Variants in DCC observed in about 807,000 individuals in gnomAD.
The protein encoded by DCC is netrin receptor DCC.
Under a neutral mutation model 172.5 loss-of-function variants are expected in DCC, and 58 were observed. The ratio of observed to expected loss-of-function variants is 0.34; its 90% CI spans 0.27 to 0.42. DCC has a LOEUF of 0.42. Ranked by LOEUF, DCC falls within the 10% of genes least tolerant of loss-of-function variation. The pLI, the probability that DCC is intolerant of heterozygous loss-of-function variation, is 1.00. For missense variants in DCC, 1,740 were observed against 1,791.0 expected (o/e 0.97, Z 0.51); for synonymous variants, 709 against 644.5 (o/e 1.10, Z -1.52).
chr18:52,527,708 GC>G (rs1437273813), intron 1 of DCC, among the ~76,000 whole-genome samples: 2 of 152,172 alleles, frequency 1.3e-5, no homozygotes, highest in Non-Finnish European at 2.9e-5. Context: ...TAAACACACA[GC>G]TGTTCTATTT....
chr18:52,600,242 C>T (rs2033989837), intron 1 of DCC, among the ~76,000 whole-genome samples: 1 of 152,202 alleles, frequency 6.6e-6, no homozygotes, highest in African/African-American at 2.4e-5. Flanking sequence ...CTAGCGTCCC[C>T]AGCTCTATTT....
At chr18:53,181,585 A>AT (rs1190642872) in intron 9 of DCC, among the ~76,000 whole-genome samples, 7 of 152,114 alleles carry the variant, frequency 4.6e-5, no homozygotes, top group South Asian at 2.1e-4. Context: ...AAGAATAATG[A>AT]TTTTTTTGTA....
At chr18:52,831,629 C>T (rs2038615495) in intron 2 of DCC, among the ~76,000 whole-genome samples, 1 of 145,732 alleles carries the variant, frequency 6.9e-6, no homozygotes. Context: ...GATTTTGGGG[C>T]CTGAGAAACT....
At chr18:52,754,350 T>TA (rs2145136596) in intron 2 of DCC, 1 of 152,336 alleles carries the variant, frequency 6.6e-6, no homozygotes, top group East Asian at 1.9e-4. Flanking sequence ...TTTTTCTCCC[T>TA]AAAATGTGTA....
At position 53,475,028 on chromosome 18, in the gene DCC, C is replaced by A. The variant is rs572560140; in HGVS notation, c.3736+7018C>A. ...AAAGGTGACTTTGGTTATGTTTTAG[C>A]AAAGAGACTGGGGGCATTTTGCCCC... On this transcript the variant is annotated intron_variant, in intron 25 of 28. Transcript: ENST00000442544. 4.1e-4 allele frequency among the ~76,000 whole-genome samples: 62 copies of A among 150,836 alleles called. No individual in the cohort carries two copies. In the Middle Eastern group the frequency reaches 0.01, roughly 25 times the overall value.
intron 12 of DCC, among the ~76,000 whole-genome samples, chr18:53,236,418 A>G (rs1313170171): frequency 6.6e-6 from 1 of 152,130 alleles, no homozygotes; most frequent in Non-Finnish European, 1.5e-5. Flanking sequence ...TAAATTATCA[A>G]TGTGTAGAAA....
At chr18:52,912,862 C>A (rs1241004908) in intron 3 of DCC, among the ~76,000 whole-genome samples, 1 of 152,024 alleles carries the variant, frequency 6.6e-6, no homozygotes, top group African/African-American at 2.4e-5. Context: ...TTCAACAATT[C>A]AGGTTAGCAA....
chr18:53,101,833 G>GTGTGTA (rs796349998), intron 7 of DCC, among the ~76,000 whole-genome samples: 3 of 68,340 alleles, frequency 4.4e-5, no homozygotes, highest in East Asian at 9.2e-4. Flanking sequence ...GTGTATTTGT[G>GTGTGTA]TGTGTGTGCG....
chr18:53,201,985 A>G (rs1253812432), intron 9 of DCC, among the ~76,000 whole-genome samples: 1 of 152,190 alleles, frequency 6.6e-6, no homozygotes, highest in Non-Finnish European at 1.5e-5. Context: ...GTCATGAAAC[A>G]TATGTACTGT....
At chr18:53,037,625 T>C (rs1287993001) in intron 5 of DCC, among the ~76,000 whole-genome samples, 1 of 151,974 alleles carries the variant, frequency 6.6e-6, no homozygotes, top group East Asian at 1.9e-4. Flanking sequence ...TATACCATAC[T>C]GATATAGAAA....
At chr18:52,986,207 G>A (rs552244372) in intron 5 of DCC, among the ~76,000 whole-genome samples, 3 of 152,232 alleles carry the variant, frequency 2.0e-5, no homozygotes, top group African/African-American at 7.2e-5. Context: ...GCAGTATGTT[G>A]GAAGCTTACA....
intron 1 of DCC, among the ~76,000 whole-genome samples, chr18:52,439,391 A>G (rs1987903859): frequency 6.6e-6 from 1 of 151,972 alleles, no homozygotes; most frequent in East Asian, 1.9e-4. Context: ...CTGACTCCCT[A>G]ATTTCTTATG....
intron 9 of DCC, among the ~76,000 whole-genome samples, chr18:53,188,311 C>T (rs2055315927): frequency 6.6e-6 from 1 of 152,060 alleles, no homozygotes; most frequent in African/African-American, 2.4e-5. Flanking sequence ...AATGGGCTTA[C>T]AATAATGGCA....
chr18:53,286,102 G>A (rs1023403727), intron 12 of DCC, among the ~76,000 whole-genome samples: 8 of 152,164 alleles, frequency 5.3e-5, no homozygotes, highest in East Asian at 1.9e-4. Context: ...GTGGACTTTT[G>A]AGTTAATGCT....
intron 1 of DCC, among the ~76,000 whole-genome samples, chr18:52,475,720 G>A (rs1989073878): frequency 6.6e-6 from 1 of 152,160 alleles, no homozygotes; most frequent in South Asian, 2.1e-4. Context: ...GAAGGAGAGA[G>A]TGACCAATAT....
chr18:53,267,153 G>T lies in DCC; in HGVS notation c.1912-38425G>T, dbSNP rs577522299. Among the ~76,000 whole-genome samples, 1,166 of 150,070 alleles carry T rather than the reference G, an allele frequency of 7.8e-3. 4 individuals are homozygous for T. Among genetic ancestry groups the T allele is most frequent in the Middle Eastern group, 0.024 (7 of 292 alleles). ...ACACACATATATATATATATATAGA[G>T]AGAGAGAGAGAGACAGAGACAGAGA... On this transcript the variant is annotated intron_variant, in intron 12 of 28. Transcript: ENST00000442544.
chr18:53,477,101 C>G (rs556273552), intron 25 of DCC, among the ~76,000 whole-genome samples: 1 of 152,172 alleles, frequency 6.6e-6, no homozygotes, highest in Non-Finnish European at 1.5e-5. Flanking sequence ...CTCCACCTCA[C>G]GGGCTCAAGC....
At chr18:52,845,571 C>G (rs2038873318) in intron 2 of DCC, among the ~76,000 whole-genome samples, 1 of 152,160 alleles carries the variant, frequency 6.6e-6, no homozygotes, top group South Asian at 2.1e-4. Context: ...TCAGGTAAGG[C>G]ACAGCCTCCT....
At chr18:53,529,687 GCTAA>G (rs2046503975) in intron 28 of DCC, among the ~76,000 whole-genome samples, 1 of 152,100 alleles carries the variant, frequency 6.6e-6, no homozygotes, top group Non-Finnish European at 1.5e-5. Context: ...TCCCCATCTG[GCTAA>G]CTATCAAAAC....
Sources: allele counts gnomAD v4.1 joint callset (sites outside exome capture counted in the v4.1 genomes callset), GRCh38; gene constraint gnomAD v4.1.1; transcripts MANE v1.5; gene names NCBI Gene and HGNC (gene_info 2026-07-23, HGNC 2026-07-21).